Variants in PREX2 observed in about 807,000 individuals in gnomAD.
PREX2 encodes phosphatidylinositol 3,4,5-trisphosphate-dependent Rac exchanger 2 protein.
In PREX2, 107 loss-of-function variants were observed where a neutral mutation model predicts 203.2. That is an observed-to-expected ratio of 0.53 (90% confidence interval 0.45 to 0.62). PREX2 has a LOEUF of 0.62. Ranked by LOEUF, PREX2 falls within the 20% of genes least tolerant of loss-of-function variation. The pLI, the probability that PREX2 is intolerant of heterozygous loss-of-function variation, is 0.00. For missense variants in PREX2, 1,777 were observed against 1,955.9 expected, an observed-to-expected ratio of 0.91 and a Z score of 1.72; for synonymous variants, 672 against 663.6, an observed-to-expected ratio of 1.01 and a Z score of -0.19.
intron 34 of PREX2, among the ~76,000 whole-genome samples, chr8:68,151,690 A>T (rs1811437942): frequency 6.6e-6 from 1 of 151,714 alleles, no homozygotes; most frequent in Admixed American, 6.6e-5. Context: ...GGGTCTCCTG[A>T]TGGTAGTTTG....
intron 22 of PREX2, among the ~76,000 whole-genome samples, chr8:68,098,797 A>C (rs1383392748): frequency 6.6e-6 from 1 of 151,912 alleles, no homozygotes; most frequent in Non-Finnish European, 1.5e-5. Context: ...TCTGCATAAA[A>C]GGGAAGTGGA....
intron 37 of PREX2, among the ~76,000 whole-genome samples, chr8:68,208,740 A>T (rs1812691084): frequency 6.6e-6 from 1 of 152,098 alleles, no homozygotes; most frequent in African/African-American, 2.4e-5. Flanking sequence ...GGGTGTTCAG[A>T]TGTTGCTTTG....
chr8:68,026,030 A>G (rs1807705361), intron 4 of PREX2, among the ~76,000 whole-genome samples: 1 of 152,126 alleles, frequency 6.6e-6, no homozygotes, highest in African/African-American at 2.4e-5. Context: ...GTTGTGTTTC[A>G]TAGGATTCCT....
chr8:68,224,597 C>T lies in PREX2; in HGVS notation c.4746C>T (p.Val1582=). Residue 1582 remains valine, a synonymous_variant, in exon 39 of 40, where the codon GTC becomes GTT. Coordinates refer to ENST00000288368, the MANE Select transcript of PREX2 (RefSeq NM_024870.4). The part of the protein sequence containing the change: ...RVQNTAKNLG[V]RDRTPQSAPR... ...AGAACACAGCGAAGAATTTGGGAGTCAGAGACCGGACTCCACAGTCTGCAC... is the reference window on the plus strand; with the variant it reads ...AGAACACAGCGAAGAATTTGGGAGTTAGAGACCGGACTCCACAGTCTGCAC... 1 of 1,613,760 alleles carries T rather than the reference C, an allele frequency of 6.2e-7. No individual in the cohort carries two copies. Among genetic ancestry groups the T allele is most frequent in the Non-Finnish European group, 8.5e-7 (1 of 1,179,846 alleles).
rs1305356990 is a variant in PREX2 at position 68,090,643 on chromosome 8, T to C, written c.2178T>C (p.Asn726=). ...GQCIIKVNGI[N]VSKETHASVI... ...GCATTATCAAGGTGAATGGAATCAA[T>C]GTCAGCAAAGAGACACATGCCAGTG... The change falls in exon 20 of 40, where the codon AAT becomes AAC. Residue 726 remains asparagine (N), a synonymous_variant. Transcript: ENST00000288368. 2 of 1,613,934 alleles carry C rather than the reference T, an allele frequency of 1.2e-6. No homozygotes were observed. The highest frequency in any genetic ancestry group is 1.7e-5 in the Admixed American group (1 of 60,006).
intron 38 of PREX2, among the ~76,000 whole-genome samples, chr8:68,220,950 T>C (rs1009729301): frequency 2.6e-5 from 4 of 152,150 alleles, no homozygotes; most frequent in Non-Finnish European, 4.4e-5. Flanking sequence ...TGGGCTTCCA[T>C]TGAACCCATC....
At chr8:68,083,126 G>T in intron 17 of PREX2, 114 bp from the exon 18 acceptor site, 1 of 686,220 alleles carries the variant, frequency 1.5e-6, no homozygotes. Flanking sequence ...CGGCAGGTGT[G>T]TTAAAATGTC....
chr8:67,973,160 T>C (rs1222017108), intron 1 of PREX2, among the ~76,000 whole-genome samples: 1 of 152,172 alleles, frequency 6.6e-6, no homozygotes, highest in African/African-American at 2.4e-5. Flanking sequence ...TCCTTTACTT[T>C]AGGGGTGATA....
Position 68,236,653 on chromosome 8 carries a change from A to G in PREX2, c.*5275A>G, listed in dbSNP as rs533688464. ...ATATATATTTTTGTAACTGGCAAGT[A>G]AATGAGTAGAACAGAGCTTTTTGCC... is the stretch of plus-strand genomic sequence containing the variant. On this transcript the variant is annotated 3_prime_UTR_variant, in exon 40 of 40. Transcript: ENST00000288368. 6.6e-6 allele frequency: 1 copy of G among 152,328 alleles called. No individual in the cohort carries two copies. Among genetic ancestry groups the G allele is most frequent in the East Asian group, 1.9e-4 (1 of 5,184 alleles). The allele number at this position is 152,328 out of a possible 1,614,324, so 9.4% of individuals were successfully genotyped here. A position where few individuals can be genotyped will look rare whatever the true frequency, so the allele number is the denominator to read the frequency against.
intron 5 of PREX2, among the ~76,000 whole-genome samples, chr8:68,028,141 A>G (rs1285706876): frequency 2.6e-5 from 4 of 151,896 alleles, no homozygotes; most frequent in Admixed American, 2.0e-4. Flanking sequence ...TGAAATAGAG[A>G]TGATGATTAT....
chr8:68,138,659 A>T, intron 33 of PREX2, 142 bp downstream of exon 33: 1 of 495,704 alleles, frequency 2.0e-6, no homozygotes, highest in Non-Finnish European at 3.6e-6. Flanking sequence ...TTCCATCACT[A>T]ATCTGACAAA....
At chr8:67,989,046 A>G (rs1806520583) in intron 1 of PREX2, among the ~76,000 whole-genome samples, 1 of 152,168 alleles carries the variant, frequency 6.6e-6, no homozygotes. Flanking sequence ...ACCTGCTGTC[A>G]CTTTGCTCAT....
At chr8:68,228,943 T>TCAA (rs200976299) in intron 39 of PREX2, among the ~76,000 whole-genome samples, 1 of 113,870 alleles carries the variant, frequency 8.8e-6, no homozygotes, top group Non-Finnish European at 1.8e-5. Flanking sequence ...CCTTGTCTCT[T>TCAA]TAAAAAAAAA....
intron 37 of PREX2, 148 bp from the exon 38 acceptor site, chr8:68,217,468 G>C: frequency 1.7e-6 from 1 of 600,916 alleles, no homozygotes; most frequent in Non-Finnish European, 3.0e-6. Flanking sequence ...TTTTTAAACT[G>C]GTATTTTATG....
At chr8:68,018,055 A>G in intron 2 of PREX2, 138 bp downstream of exon 2, 1 of 652,446 alleles carries the variant, frequency 1.5e-6, no homozygotes, top group Admixed American at 2.5e-5. Context: ...TGTATTGGTA[A>G]TAATTTTAAA....
intron 31 of PREX2, among the ~76,000 whole-genome samples, chr8:68,128,340 C>T (rs1343427149): frequency 6.6e-6 from 1 of 152,142 alleles, no homozygotes; most frequent in African/African-American, 2.4e-5. Flanking sequence ...TGAATGATTA[C>T]TTGTGATAGC....
At chr8:68,139,895 T>C (rs958931323) in intron 33 of PREX2, among the ~76,000 whole-genome samples, 5 of 152,210 alleles carry the variant, frequency 3.3e-5, no homozygotes, top group Admixed American at 1.3e-4. Context: ...TCTGTGGATA[T>C]GTATAGAATA....
intron 1 of PREX2, among the ~76,000 whole-genome samples, chr8:68,016,482 T>C (rs905402897): frequency 4.6e-5 from 7 of 152,232 alleles, no homozygotes; most frequent in African/African-American, 1.7e-4. Flanking sequence ...GATTCTTTTA[T>C]TGATGGTCAT....
intron 1 of PREX2, among the ~76,000 whole-genome samples, chr8:67,987,934 TGTGA>T (rs1806485010): frequency 6.6e-6 from 1 of 151,712 alleles, no homozygotes; most frequent in Non-Finnish European, 1.5e-5. Context: ...TGTGTGTGTG[TGTGA>T]ACACACATGC....
Sources: gnomAD v4.1 joint callset for allele counts (sites outside exome capture counted in the v4.1 genomes callset) on GRCh38, gnomAD v4.1.1 for gene constraint, MANE v1.5 for transcripts, NCBI Gene and HGNC (gene_info 2026-07-23, HGNC 2026-07-21) for gene names.